Variants in IGF1R observed in about 807,000 individuals in gnomAD.
IGF1R encodes insulin-like growth factor 1 receptor.
Under a neutral mutation model 144.6 loss-of-function variants are expected in IGF1R, and 44 were observed. The ratio of observed to expected loss-of-function variants is 0.30; its 90% CI spans 0.24 to 0.39. The LOEUF (loss-of-function observed/expected upper bound fraction) is 0.39. IGF1R is among the 10% of genes least tolerant of loss of function. The probability of loss-of-function intolerance (pLI) is 1.00; values close to 1 mark genes in which losing one functional copy is unlikely to be tolerated. For synonymous variants in IGF1R, 795 were observed against 722.8 expected (o/e 1.10, Z -1.60); for missense variants, 1,355 against 1,833.7 (o/e 0.74, Z 4.77).
chr15:98,730,971 T>C (rs1004122613), intron 2 of IGF1R, among the ~76,000 whole-genome samples: 3 of 152,256 alleles, frequency 2.0e-5, no homozygotes, highest in African/African-American at 7.2e-5. Context: ...TTGAGTGCTC[T>C]TTCTGTTAAT....
Position 98,891,223 on chromosome 15 carries a change from C to G in IGF1R, c.641-102C>G, listed in dbSNP as rs1007330781. ...TGTCTCCTCAATGAGTGATCTGGTG[C>G]TGGTGGTAGCAGTGAATGACCCAGA... On this transcript the variant is annotated intron_variant, in intron 2 of 20. Coordinates refer to ENST00000650285, the MANE Select transcript of IGF1R (RefSeq NM_000875.5). The surrounding 1 kb of genome is among the most constrained non-coding windows in gnomAD (Gnocchi z 4.7). 2.9e-6 allele frequency: 3 copies of G among 1,025,564 alleles called. No homozygotes were observed. In the African/African-American group the frequency reaches 4.8e-5, roughly 16 times the overall value. 63.5% of individuals were successfully genotyped at this position (1,025,564 alleles called of 1,614,324 possible). A position where few individuals can be genotyped will look rare whatever the true frequency, so the allele number is the denominator to read the frequency against.
intron 2 of IGF1R, among the ~76,000 whole-genome samples, chr15:98,875,732 T>G (rs571282075): frequency 3.3e-5 from 5 of 152,202 alleles, no homozygotes; most frequent in African/African-American, 1.2e-4. Context: ...GGGAGGCAAT[T>G]AAAAGATGAG....
chr15:98,880,045 T>C (rs562624243), intron 2 of IGF1R, among the ~76,000 whole-genome samples: 1 of 152,194 alleles, frequency 6.6e-6, no homozygotes, highest in Non-Finnish European at 1.5e-5. Context: ...AGATTAATTG[T>C]GGTGGTGTTT....
At chr15:98,733,472 G>A (rs1225892780) in intron 2 of IGF1R, among the ~76,000 whole-genome samples, 1 of 147,786 alleles carries the variant, frequency 6.8e-6, no homozygotes, top group Non-Finnish European at 1.5e-5. Context: ...ATGAGCCACT[G>A]TACCTGGCTG....
chr15:98,946,704 G>A (rs184142878), intron 19 of IGF1R, among the ~76,000 whole-genome samples: 7 of 152,168 alleles, frequency 4.6e-5, no homozygotes, highest in Non-Finnish European at 5.9e-5. Context: ...AGTGTGAGAC[G>A]CAGTGAGTTT....
chr15:98,753,297 G>C (rs2055064471), intron 2 of IGF1R, among the ~76,000 whole-genome samples: 1 of 148,800 alleles, frequency 6.7e-6, no homozygotes, highest in Admixed American at 6.7e-5. Context: ...GCTCACTGCA[G>C]CCTTGACCTC....
chr15:98,727,703 G>A (rs1200399652), intron 2 of IGF1R, among the ~76,000 whole-genome samples: 3 of 152,174 alleles, frequency 2.0e-5, no homozygotes, highest in African/African-American at 7.2e-5. Context: ...TCTGCTGGTC[G>A]GGGCAGTCAC....
At chr15:98,948,878 G>A (rs1488848367) in intron 20 of IGF1R, among the ~76,000 whole-genome samples, 170 bp downstream of exon 20, 1 of 152,182 alleles carries the variant, frequency 6.6e-6, no homozygotes, top group African/African-American at 2.4e-5. Context: ...TGGGTTGGTC[G>A]ACCTGTGCTT....
intron 2 of IGF1R, among the ~76,000 whole-genome samples, chr15:98,735,049 T>C (rs1388206820): frequency 1.3e-5 from 2 of 152,166 alleles, no homozygotes; most frequent in Admixed American, 1.3e-4. Flanking sequence ...ATGGCAGTGC[T>C]GATTAGATTG....
chr15:98,650,499 C>T (rs1596139504), intron 1 of IGF1R, among the ~76,000 whole-genome samples: 1 of 152,220 alleles, frequency 6.6e-6, no homozygotes, highest in Admixed American at 6.5e-5. Flanking sequence ...GGATGGTCTC[C>T]CAGTTTCTCC....
intron 2 of IGF1R, among the ~76,000 whole-genome samples, chr15:98,715,653 G>A (rs2054096615): frequency 6.6e-6 from 1 of 152,172 alleles, no homozygotes; most frequent in South Asian, 2.1e-4. Flanking sequence ...CAACTTGCGT[G>A]TATAGGGTGG....
In IGF1R at chr15:98,878,888, C is replaced by A. The variant is rs139952854; in HGVS notation, c.641-12437C>A. 6.4e-3 allele frequency among the ~76,000 whole-genome samples: 976 copies of A among 151,962 alleles called. 5 individuals carry two copies. Among genetic ancestry groups the A allele is most frequent in the Non-Finnish European group, 0.011 (716 of 67,956 alleles). On this transcript the variant is annotated intron_variant, in intron 2 of 20. Transcript: ENST00000650285. Reference sequence around the variant, plus strand: ...GTGGGCGCCTATAATCCCAGCTACTCGGGAAGCTGAGGCAGGAGAATTGCT... The same window carrying A: ...GTGGGCGCCTATAATCCCAGCTACTAGGGAAGCTGAGGCAGGAGAATTGCT...
chr15:98,952,127 C>T (rs564045088), intron 20 of IGF1R, among the ~76,000 whole-genome samples: 35 of 152,274 alleles, frequency 2.3e-4, no homozygotes, highest in South Asian at 1.2e-3. Context: ...GATCCAGGAC[C>T]TGAGCAGAAG....
At chr15:98,741,090 T>C (rs754536017) in intron 2 of IGF1R, among the ~76,000 whole-genome samples, 1 of 152,250 alleles carries the variant, frequency 6.6e-6, no homozygotes, top group Non-Finnish European at 1.5e-5. Flanking sequence ...GTGGGTTGAC[T>C]TCATGTTTCT....
chr15:98,960,511 GGA>G lies in IGF1R; in HGVS notation c.*3073_*3074del, dbSNP rs1253938001. ...AGAGCAGTGGTTCCTCAGGTTCTGA[GGA>G]GAGGAAGGTGTCCAGGCAGCACCAT... On this transcript the variant is annotated 3_prime_UTR_variant, in exon 21 of 21. Transcript: ENST00000650285. 3 of 233,262 alleles carry G rather than the reference GGA, an allele frequency of 1.3e-5. No homozygotes were observed. Among genetic ancestry groups the G allele is most frequent in the African/African-American group, 6.6e-5 (3 of 45,372 alleles). 14.4% of individuals were successfully genotyped at this position (233,262 alleles called of 1,614,324 possible).
rs568520247 is a variant in IGF1R, at chr15:98,740,550, T to G, written c.640+32443T>G. 6.6e-5 allele frequency among the ~76,000 whole-genome samples: 10 copies of G among 152,358 alleles called. No individual in the cohort carries two copies. The East Asian group carries it at 1.9e-3, about 29-fold the overall frequency. On this transcript the variant is annotated intron_variant, in intron 2 of 20. Transcript: ENST00000650285. Reference sequence around the variant, plus strand: ...GGCTTTTGTGGTTAGTTACGTGTGATACAAGAAATCGATGTGTCTGAGAGA... The same window carrying G: ...GGCTTTTGTGGTTAGTTACGTGTGAGACAAGAAATCGATGTGTCTGAGAGA...
At position 98,963,315 on chromosome 15, in the gene IGF1R, C is replaced by T. The variant is rs2017301130; in HGVS notation, c.*5873C>T. 2 of 233,388 alleles carry T rather than the reference C, an allele frequency of 8.6e-6. No individual in the cohort carries two copies. The highest frequency in any genetic ancestry group is 1.7e-5 in the Non-Finnish European group (2 of 118,016). The allele number at this position is 233,388 out of a possible 1,614,324, so 14.5% of individuals were successfully genotyped here. A position where few individuals can be genotyped will look rare whatever the true frequency, so the allele number is the denominator to read the frequency against. ...CCATCCGTGGTTCACCCTCTTTTCC[C>T]CCCATGCTTTTTGCCCTAGTTTATA... On this transcript the variant is annotated 3_prime_UTR_variant, in exon 21 of 21. Transcript: ENST00000650285.
intron 2 of IGF1R, among the ~76,000 whole-genome samples, chr15:98,810,610 G>A (rs1188280096): frequency 2.7e-5 from 4 of 149,508 alleles, no homozygotes; most frequent in African/African-American, 4.9e-5. Flanking sequence ...GTGCGGTGGC[G>A]CGATCTCTGC....
At chr15:98,728,146 G>C (rs986566124) in intron 2 of IGF1R, among the ~76,000 whole-genome samples, 3 of 151,104 alleles carry the variant, frequency 2.0e-5, no homozygotes, top group African/African-American at 7.3e-5. Context: ...TTTTAACTAA[G>C]TATTTTTGCT....
Sources: allele counts gnomAD v4.1 joint callset (sites outside exome capture counted in the v4.1 genomes callset), GRCh38; gene constraint gnomAD v4.1.1; non-coding constraint Gnocchi (gnomAD v3.1); transcripts MANE v1.5; gene names NCBI Gene and HGNC (gene_info 2026-07-23, HGNC 2026-07-21).